The following PRUNE2 variants were observed in gnomAD, a reference collection of about 807,000 sequenced individuals.
PRUNE2 encodes the protein protein prune homolog 2.
PRUNE2 carries 164 observed loss-of-function variants against 252.0 expected under a neutral mutation model. The observed-to-expected ratio is 0.65, with a 90% CI of 0.57 to 0.74. The LOEUF (loss-of-function observed/expected upper bound fraction) is 0.74, where lower values mean the gene tolerates loss of function less well. Ranked by LOEUF, PRUNE2 falls within the 30% of genes least tolerant of loss-of-function variation. The probability of loss-of-function intolerance (pLI) is 0.00; values close to 1 mark genes in which losing one functional copy is unlikely to be tolerated. For synonymous variants in PRUNE2, 1,292 were observed against 1,350.2 expected, an observed-to-expected ratio of 0.96 and a Z score of 0.94; for missense variants, 3,495 against 3,711.0, an observed-to-expected ratio of 0.94 and a Z score of 1.51.
rs1305496548 is a variant in PRUNE2, at chr9:76,707,429, A to G, written c.4845T>C (p.Asp1615=). ...TCTCTAAAAATGTAGGAGTTTTGCGATCAAAGCTCTTTTCAAACTCATTTA... is the reference window on the plus strand; with the variant it reads ...TCTCTAAAAATGTAGGAGTTTTGCGGTCAAAGCTCTTTTCAAACTCATTTA... ...NRINEFEKSF[D]RKTPTFLEIW... The change falls in exon 8 of 19, where the codon GAT becomes GAC. Residue 1615 remains aspartate (D), a synonymous_variant. Coordinates refer to ENST00000376718, the MANE Select transcript of PRUNE2 (RefSeq NM_015225.3). The G allele has an allele frequency of 1.2e-6, 2 of 1,613,972 alleles. No individual in the cohort carries two copies. Among genetic ancestry groups the G allele is most frequent in the Admixed American group, 3.3e-5 (2 of 60,022 alleles).
intron 17 of PRUNE2, among the ~76,000 whole-genome samples, chr9:76,621,291 T>A (rs1326220414): frequency 6.6e-6 from 1 of 152,184 alleles, no homozygotes; most frequent in Non-Finnish European, 1.5e-5. Context: ...ATGTTTATCA[T>A]ACAGTTTCTC....
At chr9:76,814,639 T>A (rs10747001) in intron 6 of PRUNE2, among the ~76,000 whole-genome samples, 70,931 of 151,922 alleles carry the variant, frequency 0.47, 16,663 homozygotes, top group Middle Eastern at 0.52. Flanking sequence ...ATTGGGCCCA[T>A]TGCATCAAGA....
At chr9:76,876,507 TTC>T (rs2061485431) in intron 1 of PRUNE2, among the ~76,000 whole-genome samples, 1 of 152,134 alleles carries the variant, frequency 6.6e-6, no homozygotes, top group Admixed American at 6.5e-5. Flanking sequence ...ATTTAAAATT[TTC>T]TCTTTCTTTC....
chr9:76,706,406 T>C lies in PRUNE2; in HGVS notation c.5868A>G (p.Gln1956=). 1 of 1,614,014 alleles carries C rather than the reference T, an allele frequency of 6.2e-7. No individual in the cohort carries two copies. Among genetic ancestry groups the C allele is most frequent in the Non-Finnish European group, 8.5e-7 (1 of 1,179,888 alleles). ...GCAGCATGGTGTCCTGACACTGCTC[T>C]TGGGTAGGTGTTTCAGGAGTCAGCT... The part of the protein sequence containing the change: ...GDELTPETPT[Q]EQCQDTMLPV... The change falls in exon 8 of 19, where the codon CAA becomes CAG. Residue 1956 remains glutamine (Q), a synonymous_variant. Transcript: ENST00000376718.
intron 6 of PRUNE2, among the ~76,000 whole-genome samples, chr9:76,775,923 T>A (rs983729772): frequency 6.6e-6 from 1 of 151,546 alleles, no homozygotes; most frequent in African/African-American, 2.4e-5. Flanking sequence ...TGACTACACA[T>A]CCCTAAACCT....
intron 6 of PRUNE2, among the ~76,000 whole-genome samples, chr9:76,804,333 A>C (rs1223914896): frequency 6.6e-6 from 1 of 152,000 alleles, no homozygotes; most frequent in Non-Finnish European, 1.5e-5. Context: ...CCCCTTCCTC[A>C]CAGGGAACCC....
chr9:76,712,575 A>T (rs2046820468), intron 7 of PRUNE2, among the ~76,000 whole-genome samples: 1 of 152,218 alleles, frequency 6.6e-6, no homozygotes, highest in African/African-American at 2.4e-5. Context: ...GTCTGTTTCC[A>T]ATGAACCAAT....
In PRUNE2 at chr9:76,708,307, G is replaced by T; in HGVS notation, c.3967C>A (p.Gln1323Lys). ...PDPWKGHGDG[Q>K]SESEKEAQGA... ...TGGGCTTCCTTCTCACTTTCACTTT[G>T]TCCATCGCCATGACCTTTCCATGGA... Residue 1323 changes from glutamine (Q) to lysine (K), a missense_variant, in exon 8 of 19, where the codon CAA becomes AAA. Transcript: ENST00000376718. The T allele has an allele frequency of 6.2e-7, 1 of 1,613,638 alleles. No homozygotes were observed. Among genetic ancestry groups the T allele is most frequent in the Non-Finnish European group, 8.5e-7 (1 of 1,179,868 alleles).
At chr9:76,619,534 T>A in intron 17 of PRUNE2, 147 bp from the exon 18 acceptor site, 3 of 634,460 alleles carry the variant, frequency 4.7e-6, no homozygotes. Flanking sequence ...ATGATAAGAT[T>A]AAGCTGTAAC....
chr9:76,795,932 T>TA (rs2056055049), intron 6 of PRUNE2, among the ~76,000 whole-genome samples: 1 of 152,182 alleles, frequency 6.6e-6, no homozygotes, highest in Non-Finnish European at 1.5e-5. Context: ...CTCAAACAGA[T>TA]AGATATTGGT....
In PRUNE2 at chr9:76,850,609, G is replaced by T. The variant is rs758519105; in HGVS notation, c.198C>A (p.Phe66Leu). The T allele has an allele frequency of 6.2e-7, 1 of 1,614,006 alleles. No individual in the cohort carries two copies. The highest frequency in any genetic ancestry group is 8.5e-7 in the Non-Finnish European group (1 of 1,179,932). The change falls in exon 3 of 19, where the codon TTC (phenylalanine) becomes TTA (leucine). Residue 66 changes from phenylalanine to leucine, a missense_variant. Coordinates refer to ENST00000376718, the MANE Select transcript of PRUNE2 (RefSeq NM_015225.3). Reference protein sequence around the residue: ...LPVLNIPRTEFNYFTETRFIL... With the variant: ...LPVLNIPRTELNYFTETRFIL... ...TAAACCTCGTCTCGGTGAAGTAGTTGAATTCAGTTCTTGGTATGTTCAGCA... is the reference window on the plus strand; with the variant it reads ...TAAACCTCGTCTCGGTGAAGTAGTTTAATTCAGTTCTTGGTATGTTCAGCA...
chr9:76,635,691 G>A (rs1185254314), intron 15 of PRUNE2, among the ~76,000 whole-genome samples: 2 of 152,140 alleles, frequency 1.3e-5, no homozygotes, highest in South Asian at 2.1e-4. Flanking sequence ...CAGAAGCAAA[G>A]TTATCAGAAT....
At chr9:76,856,224 T>C (rs1284564888) in intron 1 of PRUNE2, among the ~76,000 whole-genome samples, 1 of 152,210 alleles carries the variant, frequency 6.6e-6, no homozygotes. Context: ...CCATCTCCTC[T>C]GCCCTGTATT....
chr9:76,654,851 T>C (rs1236583485), intron 10 of PRUNE2, among the ~76,000 whole-genome samples: 1 of 152,212 alleles, frequency 6.6e-6, no homozygotes, highest in Non-Finnish European at 1.5e-5. Context: ...TGGCTGAGAA[T>C]ACATGATTCA....
At chr9:76,688,641 T>C (rs1298907631) in intron 9 of PRUNE2, among the ~76,000 whole-genome samples, 1 of 152,308 alleles carries the variant, frequency 6.6e-6, no homozygotes, top group African/African-American at 2.4e-5. Flanking sequence ...TGACTTCCAG[T>C]CTCAGGTGGA....
At chr9:76,773,042 AAAATC>A (rs547228201) in intron 6 of PRUNE2, among the ~76,000 whole-genome samples, 15 of 152,254 alleles carry the variant, frequency 9.9e-5, no homozygotes, top group Non-Finnish European at 2.1e-4. Flanking sequence ...TTTAGAAACA[AAAATC>A]AAATCAACAA....
At chr9:76,615,894 C>T (rs962624029) in intron 18 of PRUNE2, among the ~76,000 whole-genome samples, 2 of 151,398 alleles carry the variant, frequency 1.3e-5, no homozygotes, top group African/African-American at 4.9e-5. Flanking sequence ...CTCAGCCTCC[C>T]GAGTAGCTGG....
At chr9:76,801,072 T>C (rs1214285561) in intron 6 of PRUNE2, among the ~76,000 whole-genome samples, 1 of 152,184 alleles carries the variant, frequency 6.6e-6, no homozygotes, top group Non-Finnish European at 1.5e-5. Context: ...CCTCTCCTTG[T>C]TTTTTGATTA....
At chr9:76,642,152 G>A (rs915759076) in intron 12 of PRUNE2, among the ~76,000 whole-genome samples, 11 of 152,204 alleles carry the variant, frequency 7.2e-5, no homozygotes, top group African/African-American at 2.6e-4. Context: ...ACTGTTGGCT[G>A]AGCAAAACCA....
Sources: gnomAD v4.1 joint callset for allele counts (sites outside exome capture counted in the v4.1 genomes callset) on GRCh38, gnomAD v4.1.1 for gene constraint, MANE v1.5 for transcripts, NCBI Gene and HGNC (gene_info 2026-07-23, HGNC 2026-07-21) for gene names.